The following FMN2 variants were observed in gnomAD, a reference collection of about 807,000 sequenced individuals.
FMN2 encodes formin 2.
A neutral mutation model predicts 142.3 loss-of-function variants in FMN2; 51 were observed. The ratio of observed to expected loss-of-function variants is 0.36; its 90% CI spans 0.29 to 0.45. The LOEUF (loss-of-function observed/expected upper bound fraction) is 0.45. FMN2 is among the 20% of genes least tolerant of loss of function. The probability of loss-of-function intolerance (pLI) is 1.00; values close to 1 mark genes in which losing one functional copy is unlikely to be tolerated. For synonymous variants in FMN2, 882 were observed against 869.8 expected, an observed-to-expected ratio of 1.01 and a Z score of -0.25; for missense variants, 1,936 against 2,122.8, an observed-to-expected ratio of 0.91 and a Z score of 1.73.
intron 15 of FMN2, among the ~76,000 whole-genome samples, chr1:240,429,927 C>T (rs1572299844): frequency 6.6e-6 from 1 of 150,404 alleles, no homozygotes; most frequent in African/African-American, 2.5e-5. Flanking sequence ...GCTCTGCCGC[C>T]CAGGCTGGAG....
chr1:240,374,271 A>G (rs191634855), intron 14 of FMN2, among the ~76,000 whole-genome samples: 24 of 152,302 alleles, frequency 1.6e-4, no homozygotes, highest in Admixed American at 1.2e-3. Flanking sequence ...TGAAATGATC[A>G]ATCAGCACTC....
rs1197457814 is a variant in FMN2 at position 240,230,131 on chromosome 1, C to G, written c.4065+18896C>G. ...AGAAGTTTGAGACCAGCCTGGGAAA[C>G]ACAATGAGACCACGTCTCTACAAAA... is the stretch of plus-strand genomic sequence containing the variant. On this transcript the variant is annotated intron_variant, in intron 6 of 17. Coordinates refer to ENST00000319653, the MANE Select transcript of FMN2 (RefSeq NM_020066.5). Among the ~76,000 whole-genome samples, 3 of 129,816 alleles carry G rather than the reference C, an allele frequency of 2.3e-5. 1 individual carries two copies. In the East Asian group the frequency reaches 6.8e-4, roughly 29 times the overall value. 85.2% of individuals were successfully genotyped at this position (129,816 alleles called of 152,430 possible). A position where few individuals can be genotyped will look rare whatever the true frequency, so the allele number is the denominator to read the frequency against.
rs1005807718 is a variant in FMN2 at position 240,474,977 on chromosome 1, C to T, written c.*823C>T. ...AGTTTGTAGTTTAAGTGCAAAGAAA[C>T]AGTAGTGGTTTTTTTTCTATTGTTT... On this transcript the variant is annotated 3_prime_UTR_variant, in exon 18 of 18. Coordinates refer to ENST00000319653, the MANE Select transcript of FMN2 (RefSeq NM_020066.5). 3.9e-5 allele frequency: 6 copies of T among 152,480 alleles called. No individual in the cohort carries two copies. Among genetic ancestry groups the T allele is most frequent in the Admixed American group, 1.3e-4 (2 of 15,258 alleles). 9.4% of individuals were successfully genotyped at this position (152,480 alleles called of 1,614,324 possible). A position where few individuals can be genotyped will look rare whatever the true frequency, so the allele number is the denominator to read the frequency against.
intron 2 of FMN2, among the ~76,000 whole-genome samples, chr1:240,135,550 A>G (rs370245864): frequency 2.0e-5 from 3 of 152,194 alleles, no homozygotes; most frequent in African/African-American, 7.2e-5. Flanking sequence ...TATTGATTGT[A>G]TAGTGAGTTA....
chr1:240,411,583 A>T (rs962220658), intron 15 of FMN2, among the ~76,000 whole-genome samples: 2 of 151,764 alleles, frequency 1.3e-5, no homozygotes, highest in African/African-American at 4.8e-5. Context: ...AAAAAAAAAA[A>T]AAGTCTAACT....
At chr1:240,349,942 G>C (rs1283657429) in intron 13 of FMN2, among the ~76,000 whole-genome samples, 2 of 134,756 alleles carry the variant, frequency 1.5e-5, no homozygotes, top group Non-Finnish European at 3.1e-5. Context: ...TTGTGAGATT[G>C]TAGTGTTCGG....
intron 6 of FMN2, among the ~76,000 whole-genome samples, chr1:240,241,005 T>C (rs746304131): frequency 1.3e-5 from 2 of 152,118 alleles, no homozygotes; most frequent in African/African-American, 2.4e-5. Flanking sequence ...CTTTAAAGAG[T>C]GGAGACTTAG....
In FMN2 at chr1:240,123,102, C is replaced by T. The variant is rs560657378; in HGVS notation, c.1616-77C>T. On this transcript the variant is annotated intron_variant, in intron 1 of 17. Transcript: ENST00000319653. ...GGTGTTGTTCCCTGGCAGTGTTTAC[C>T]CAGCCGCTGTCCCCTGGCGAGTTCA... 2.7e-5 allele frequency: 41 copies of T among 1,527,244 alleles called. No individual in the cohort carries two copies. The African/African-American group carries it at 5.2e-4, about 19-fold the overall frequency. The allele number at this position is 1,527,244 out of a possible 1,614,324, so 94.6% of individuals were successfully genotyped here. A position where few individuals can be genotyped will look rare whatever the true frequency, so the allele number is the denominator to read the frequency against.
chr1:240,417,858 T>C (rs10926250), intron 15 of FMN2, among the ~76,000 whole-genome samples: 3,931 of 152,282 alleles, frequency 0.026, 176 homozygotes, highest in African/African-American at 0.089. Context: ...TAATTGTGAA[T>C]GTTTGTTTCA....
chr1:240,438,421 G>T (rs1675479793), intron 16 of FMN2, among the ~76,000 whole-genome samples: 1 of 152,136 alleles, frequency 6.6e-6, no homozygotes, highest in Admixed American at 6.5e-5. Flanking sequence ...AGAGTAACTA[G>T]GGTGCTGGCT....
intron 14 of FMN2, 43 bp downstream of exon 14, chr1:240,355,951 C>CAAAAAAAAAAAAAAAAAAAAAAAAAAA (rs58002724): frequency 8.3e-5 from 21 of 252,980 alleles, no homozygotes; most frequent in African/African-American, 4.6e-4. Flanking sequence ...CCCCTTTCAG[C>CAAAAAAAAAAAAAAAAAAAAAAAAAAA]AAAAAAAAAA....
intron 6 of FMN2, among the ~76,000 whole-genome samples, chr1:240,244,684 G>A (rs1270592307): frequency 1.3e-5 from 2 of 152,106 alleles, no homozygotes; most frequent in South Asian, 2.1e-4. Context: ...GTATTCAGTG[G>A]TTCCCAAATC....
At chr1:240,144,354 G>A (rs1323393503) in intron 2 of FMN2, 2 of 1,606,000 alleles carry the variant, frequency 1.2e-6, no homozygotes, top group Non-Finnish European at 1.7e-6. Flanking sequence ...GGCACCTTGG[G>A]CTCCATGATG....
At chr1:240,370,685 A>G (rs1672831918) in intron 14 of FMN2, among the ~76,000 whole-genome samples, 1 of 152,078 alleles carries the variant, frequency 6.6e-6, no homozygotes, top group Admixed American at 6.6e-5. Context: ...ATCCCATTGC[A>G]TCAACCTATC....
chr1:240,227,724 T>C (rs1210041353), intron 6 of FMN2, among the ~76,000 whole-genome samples: 1 of 152,166 alleles, frequency 6.6e-6, no homozygotes, highest in Non-Finnish European at 1.5e-5. Flanking sequence ...ACAAATGGTG[T>C]TGGGACAACT....
chr1:240,419,117 A>G (rs561157795), intron 15 of FMN2, among the ~76,000 whole-genome samples: 1 of 152,322 alleles, frequency 6.6e-6, no homozygotes, highest in East Asian at 1.9e-4. Context: ...TCAAAAAATA[A>G]AAAATATAAA....
intron 3 of FMN2, 145 bp from the exon 4 acceptor site, chr1:240,188,062 C>A (rs144988227): frequency 2.9e-6 from 2 of 689,258 alleles, no homozygotes; most frequent in African/African-American, 1.8e-5. Context: ...ATCCTAATAA[C>A]CCAGTTATAT....
intron 4 of FMN2, among the ~76,000 whole-genome samples, chr1:240,192,943 C>T (rs989585746): frequency 3.3e-5 from 5 of 151,726 alleles, no homozygotes; most frequent in African/African-American, 1.2e-4. Context: ...ACAAAAGAAA[C>T]TCTTCTATGA....
intron 8 of FMN2, among the ~76,000 whole-genome samples, chr1:240,319,178 C>T (rs1670885878): frequency 6.6e-6 from 1 of 151,856 alleles, no homozygotes; most frequent in African/African-American, 2.4e-5. Context: ...AAGAGATTCA[C>T]AAGAAGAAGA....
Sources: gnomAD v4.1 joint callset for allele counts (sites outside exome capture counted in the v4.1 genomes callset) on GRCh38, gnomAD v4.1.1 for gene constraint, MANE v1.5 for transcripts, NCBI Gene and HGNC (gene_info 2026-07-23, HGNC 2026-07-21) for gene names.